CORO2B: variants seen among roughly 807,000 people sequenced by gnomAD.
CORO2B encodes coronin 2B.
CORO2B carries 26 observed loss-of-function variants against 58.8 expected under a neutral mutation model. The ratio of observed to expected loss-of-function variants is 0.44; its 90% CI spans 0.32 to 0.61. The LOEUF is 0.61. Among genes scored for constraint, CORO2B ranks in the 20% least tolerant of loss-of-function variants. The pLI is 0.04. For missense variants in CORO2B, 460 were observed against 645.1 expected (o/e 0.71, Z 3.11); for synonymous variants, 242 against 253.8 (o/e 0.95, Z 0.44).
At chr15:68,589,909 G>A (rs1899656849) in intron 1 of CORO2B, among the ~76,000 whole-genome samples, 1 of 152,214 alleles carries the variant, frequency 6.6e-6, no homozygotes, top group Non-Finnish European at 1.5e-5. Flanking sequence ...CGGCTGCCCA[G>A]GCCTGGCAGT....
At chr15:68,647,218 A>C (rs568166558) in intron 2 of CORO2B, among the ~76,000 whole-genome samples, 1 of 152,358 alleles carries the variant, frequency 6.6e-6, no homozygotes, top group African/African-American at 2.4e-5. Context: ...GGAATCCCCC[A>C]AATCATAAAG....
At position 68,711,369 on chromosome 15, in the gene CORO2B, C is replaced by G. The variant is rs1892912495; in HGVS notation, c.484-173C>G. 2.6e-5 allele frequency among the ~76,000 whole-genome samples: 4 copies of G among 152,168 alleles called. No homozygotes were observed. The South Asian group carries it at 8.3e-4, about 31-fold the overall frequency. ...CCAAGGATATTGATGGATTTGTGTG[C>G]CAGGGATGTATCAGCCTTTCCATAT... On this transcript the variant is annotated intron_variant, in intron 4 of 11. Coordinates refer to ENST00000261861, the MANE Select transcript of CORO2B (RefSeq NM_006091.5).
chr15:68,657,323 C>A (rs1901840308), intron 2 of CORO2B, among the ~76,000 whole-genome samples: 1 of 152,042 alleles, frequency 6.6e-6, no homozygotes, highest in Admixed American at 6.5e-5. Flanking sequence ...TTGGGACCAA[C>A]CTGGGCAACA....
intron 1 of CORO2B, among the ~76,000 whole-genome samples, chr15:68,597,532 C>T (rs1243654311): frequency 6.6e-6 from 1 of 151,896 alleles, no homozygotes; most frequent in African/African-American, 2.4e-5. Flanking sequence ...CCCATTGTGC[C>T]CCAGGGCCCA....
upstream of CORO2B, among the ~76,000 whole-genome samples, chr15:68,576,078 G>A (rs1157672248): frequency 2.8e-5 from 4 of 140,808 alleles, no homozygotes; most frequent in Non-Finnish European, 4.5e-5. Flanking sequence ...GCTTGAACCC[G>A]AGAGGCAGAA....
Position 68,652,818 on chromosome 15 carries a change from A to G in CORO2B, c.216+7458A>G, listed in dbSNP as rs373992076. On this transcript the variant is annotated intron_variant, in intron 2 of 11. Coordinates refer to ENST00000261861, the MANE Select transcript of CORO2B (RefSeq NM_006091.5). ...CTTTAAGACTGCACGGCCCACAAGT[A>G]GCAGAGTCAGAATTTAGCCCAGGGC... Among the ~76,000 whole-genome samples, 18 of 152,372 alleles carry G rather than the reference A, an allele frequency of 1.2e-4. No homozygotes were observed. In the East Asian group the frequency reaches 3.3e-3, roughly 28 times the overall value.
chr15:68,669,089 A>AG (rs1902297313), intron 2 of CORO2B, among the ~76,000 whole-genome samples: 2 of 148,066 alleles, frequency 1.4e-5, no homozygotes, highest in African/African-American at 2.6e-5. Flanking sequence ...GAGAGAGAGA[A>AG]AGAAGGAAGG....
intron 2 of CORO2B, among the ~76,000 whole-genome samples, chr15:68,647,624 G>C (rs1901477593): frequency 1.3e-5 from 2 of 151,648 alleles, no homozygotes; most frequent in African/African-American, 4.9e-5. Flanking sequence ...GGGAGGCGGG[G>C]GTTGTGGTGA....
chr15:68,720,825 G>A (rs969190610), intron 11 of CORO2B, among the ~76,000 whole-genome samples: 8 of 152,186 alleles, frequency 5.3e-5, no homozygotes, highest in African/African-American at 7.2e-5. Context: ...GCCCATGCTT[G>A]AGGAGAGGGG....
At chr15:68,576,152 C>CA (rs3985627), upstream of CORO2B, among the ~76,000 whole-genome samples, 1,484 of 62,188 alleles carry the variant, frequency 0.024, 159 homozygotes, top group African/African-American at 0.057. Flanking sequence ...GACTACGTCG[C>CA]AAAAAAAAAA....
chr15:68,578,965 A>T (rs1194131336), upstream of CORO2B: 1 of 156,630 alleles, frequency 6.4e-6, no homozygotes, highest in African/African-American at 6.7e-5. The surrounding 1 kb of genome is among the most constrained non-coding windows in gnomAD (Gnocchi z 4.2). Flanking sequence ...CCCGCCCCCC[A>T]GCCCGGGCCC....
chr15:68,687,138 G>C (rs1332358378), intron 2 of CORO2B, among the ~76,000 whole-genome samples: 1 of 152,130 alleles, frequency 6.6e-6, no homozygotes, highest in Non-Finnish European at 1.5e-5. Flanking sequence ...AAGTAAAAAG[G>C]GGAGCCATGA....
chr15:68,544,390 G>T, the CORO2B span, among the ~76,000 whole-genome samples: 2 of 152,136 alleles, frequency 1.3e-5, no homozygotes, highest in African/African-American at 4.8e-5. Context: ...CCTCGTTTTT[G>T]CCAGGGTCTG....
chr15:68,708,175 C>T (rs1596030448), intron 3 of CORO2B, among the ~76,000 whole-genome samples: 1 of 152,114 alleles, frequency 6.6e-6, no homozygotes, highest in African/African-American at 2.4e-5. Context: ...TGAAACCTCC[C>T]AGTCAACAGC....
intron 1 of CORO2B, among the ~76,000 whole-genome samples, chr15:68,591,199 A>T (rs1899696811): frequency 6.6e-6 from 1 of 152,172 alleles, no homozygotes; most frequent in East Asian, 1.9e-4. Flanking sequence ...TGAAACTATG[A>T]GAGACGTGGC....
At chr15:68,698,807 C>T (rs997520463) in intron 3 of CORO2B, among the ~76,000 whole-genome samples, 1 of 152,094 alleles carries the variant, frequency 6.6e-6, no homozygotes, top group African/African-American at 2.4e-5. Context: ...GTCCCTTCAT[C>T]TATGCCTGCT....
chr15:68,664,988 A>T (rs1162464416), intron 2 of CORO2B, among the ~76,000 whole-genome samples: 1 of 110,676 alleles, frequency 9.0e-6, no homozygotes, highest in Non-Finnish European at 1.8e-5. Context: ...ATTTGTTTAC[A>T]TTTCAAGTAT....
At chr15:68,683,818 C>A (rs1321339438) in intron 2 of CORO2B, among the ~76,000 whole-genome samples, 1 of 152,154 alleles carries the variant, frequency 6.6e-6, no homozygotes, top group Non-Finnish European at 1.5e-5. Flanking sequence ...AGGGATGAAC[C>A]AGGAACCAAA....
At chr15:68,580,331 G>C (rs1177871906) in intron 1 of CORO2B, among the ~76,000 whole-genome samples, 10 of 152,218 alleles carry the variant, frequency 6.6e-5, no homozygotes, top group Non-Finnish European at 1.5e-4. Context: ...CCAGAATTGG[G>C]GAGCTGGAGG....
Sources: gnomAD v4.1 joint callset for allele counts (sites outside exome capture counted in the v4.1 genomes callset) on GRCh38, gnomAD v4.1.1 for gene constraint, Gnocchi (gnomAD v3.1) non-coding constraint, MANE v1.5 for transcripts, NCBI Gene and HGNC (gene_info 2026-07-23, HGNC 2026-07-21) for gene names.